Variants in NT5C2 observed in about 807,000 individuals in gnomAD.
NT5C2 encodes 5'-nucleotidase, cytosolic II.
A neutral mutation model predicts 76.1 loss-of-function variants in NT5C2; 58 were observed. The observed-to-expected ratio is 0.76, with a 90% CI of 0.62 to 0.95. The LOEUF (loss-of-function observed/expected upper bound fraction) is 0.95, where lower values mean the gene tolerates loss of function less well. Among genes scored for constraint, NT5C2 ranks in the 40% least tolerant of loss-of-function variants. The pLI, the probability that NT5C2 is intolerant of heterozygous loss-of-function variation, is 0.00. For synonymous variants in NT5C2, 229 were observed against 237.4 expected (o/e 0.96, Z 0.32); for missense variants, 478 against 690.3 (o/e 0.69, Z 3.45).
rs1307540476 is a variant in NT5C2, at chr10:103,089,832, C to T, written c.1526G>A (p.Arg509His). 2 of 1,613,964 alleles carry T rather than the reference C, an allele frequency of 1.2e-6. No homozygotes were observed. The highest frequency in any genetic ancestry group is 1.7e-5 in the Admixed American group (1 of 60,002). Residue 509 changes from arginine to histidine, a missense_variant, in exon 19 of 19, where the codon CGC (arginine) becomes CAC (histidine). Coordinates refer to ENST00000404739, the MANE Select transcript of NT5C2 (RefSeq NM_001351169.2). ...AGTGTCTTTGAAATCCACTGATGTG[C>T]GGTTCCGGGTGGCAAGAGGAGACTC... ...EMESPLATRN[R>H]TSVDFKDTDY...
chr10:103,125,171 T>G, intron 4 of NT5C2: 1 of 593,660 alleles, frequency 1.7e-6, no homozygotes, highest in Non-Finnish European at 3.1e-6. Flanking sequence ...GAGTTGCACA[T>G]CAAATCTGGG....
chr10:103,193,106 C>T (rs2092774973), intron 1 of NT5C2, 130 bp downstream of exon 1: 1 of 150,658 alleles, frequency 6.6e-6, no homozygotes, highest in African/African-American at 2.4e-5. Flanking sequence ...GGCCATGGTC[C>T]CTGGGGGCCG....
intron 1 of NT5C2, among the ~76,000 whole-genome samples, chr10:103,188,235 G>A (rs2092282810): frequency 6.6e-6 from 1 of 152,168 alleles, no homozygotes; most frequent in South Asian, 2.1e-4. Flanking sequence ...GCGGGCGCCT[G>A]TAATCCCAGC....
intron 3 of NT5C2, chr10:103,153,497 A>G: frequency 1.0e-6 from 1 of 985,234 alleles, no homozygotes; most frequent in Non-Finnish European, 1.2e-6. Flanking sequence ...TAAATACTTG[A>G]AAACTTAAGA....
intron 4 of NT5C2, among the ~76,000 whole-genome samples, chr10:103,115,799 A>C (rs2074202638): frequency 6.6e-6 from 1 of 152,144 alleles, no homozygotes; most frequent in Non-Finnish European, 1.5e-5. Flanking sequence ...AGAAGTAAAT[A>C]ATATACACCT....
chr10:103,151,918 C>T (rs193043623), intron 3 of NT5C2, among the ~76,000 whole-genome samples: 60 of 152,200 alleles, frequency 3.9e-4, no homozygotes, highest in East Asian at 5.8e-4. Context: ...TCCAGAGGCT[C>T]CTAGAGATAA....
rs529012276 is a variant in NT5C2, at chr10:103,093,296, C to A, written c.1002G>T (p.Thr334=). The A allele has an allele frequency of 1.3e-5, 20 of 1,586,862 alleles. No homozygotes were observed. In the South Asian group the frequency reaches 1.5e-4, roughly 12 times the overall value. The change falls in exon 15 of 19, where the codon ACG becomes ACT. Residue 334 remains threonine, a synonymous_variant. Transcript: ENST00000404739. ...CCTTGGCTCCCAACAGGTCACAGAT[C>A]GTATCAGAAGAACCTGAACCAACAG... ...GIVYSGGSSD[T]ICDLLGAKGK...
intron 3 of NT5C2, chr10:103,153,587 G>A: frequency 1.0e-6 from 1 of 985,376 alleles, no homozygotes; most frequent in African/African-American, 1.7e-5. Context: ...TAAGGAAGGA[G>A]ACAATCCAAA....
At chr10:103,192,840 G>A (rs1043141630) in intron 1 of NT5C2, among the ~76,000 whole-genome samples, 3 of 152,206 alleles carry the variant, frequency 2.0e-5, no homozygotes, top group Non-Finnish European at 4.4e-5. Context: ...CAGGACTGAG[G>A]AAAGGGCTAC....
chr10:103,124,365 A>G (rs1331651536), intron 4 of NT5C2, among the ~76,000 whole-genome samples: 1 of 152,220 alleles, frequency 6.6e-6, no homozygotes. Flanking sequence ...TAAGTTCATG[A>G]TCATTTGCAA....
At chr10:103,092,906 T>G (rs1479020921) in intron 15 of NT5C2, among the ~76,000 whole-genome samples, 1 of 152,056 alleles carries the variant, frequency 6.6e-6, no homozygotes, top group Non-Finnish European at 1.5e-5. Flanking sequence ...CATTCTAAAC[T>G]TAACCTCGAA....
At chr10:103,192,210 T>G (rs146094562) in intron 1 of NT5C2, among the ~76,000 whole-genome samples, 96 of 152,284 alleles carry the variant, frequency 6.3e-4, no homozygotes, top group African/African-American at 2.3e-3. Flanking sequence ...GCGAAATGAA[T>G]AGTCTACAGA....
At chr10:103,133,599 T>C (rs1341102786) in intron 4 of NT5C2, among the ~76,000 whole-genome samples, 1 of 152,216 alleles carries the variant, frequency 6.6e-6, no homozygotes, top group African/African-American at 2.4e-5. Context: ...GTCTCAGGTA[T>C]GTCTTTATTA....
intron 10 of NT5C2, among the ~76,000 whole-genome samples, chr10:103,097,780 G>C (rs1366672436): frequency 6.6e-6 from 1 of 152,192 alleles, no homozygotes; most frequent in Non-Finnish European, 1.5e-5. Context: ...ATGGCTTTCA[G>C]TGTGTACACT....
intron 4 of NT5C2, among the ~76,000 whole-genome samples, chr10:103,133,750 G>A (rs774619421): frequency 2.0e-5 from 3 of 152,228 alleles, no homozygotes; most frequent in Non-Finnish European, 1.5e-5. Context: ...CAGAAGAAGA[G>A]AGAAAAATGT....
intron 3 of NT5C2, among the ~76,000 whole-genome samples, chr10:103,163,872 A>G (rs931899349): frequency 1.8e-5 from 1 of 54,134 alleles, no homozygotes; most frequent in Non-Finnish European, 4.4e-5. Context: ...AAAAAAAAAC[A>G]AAAAAAAAAA....
chr10:103,186,954 A>G (rs2135440455), intron 1 of NT5C2, among the ~76,000 whole-genome samples: 1 of 151,652 alleles, frequency 6.6e-6, no homozygotes, highest in Admixed American at 6.6e-5. Flanking sequence ...AGATTTGTGA[A>G]AGATTCTAAT....
chr10:103,129,315 C>G (rs867242737), intron 4 of NT5C2, among the ~76,000 whole-genome samples: 2 of 117,970 alleles, frequency 1.7e-5, no homozygotes, highest in Non-Finnish European at 1.9e-5. Flanking sequence ...GTCAGCCCCC[C>G]GCCCGGCCAG....
At chr10:103,167,766 G>C (rs2086783232) in intron 3 of NT5C2, among the ~76,000 whole-genome samples, 1 of 152,034 alleles carries the variant, frequency 6.6e-6, no homozygotes, top group South Asian at 2.1e-4. Flanking sequence ...TGAGTAACCA[G>C]GACTACAGGT....
Sources: gnomAD v4.1 joint callset for allele counts (sites outside exome capture counted in the v4.1 genomes callset) on GRCh38, gnomAD v4.1.1 for gene constraint, MANE v1.5 for transcripts, NCBI Gene and HGNC (gene_info 2026-07-23, HGNC 2026-07-21) for gene names.